The following HECW1 variants were observed in gnomAD, a reference collection of about 807,000 sequenced individuals.
The protein encoded by HECW1 is E3 ubiquitin-protein ligase HECW1.
HECW1 carries 61 observed loss-of-function variants against 182.3 expected under a neutral mutation model. The ratio of observed to expected loss-of-function variants is 0.33; its 90% CI spans 0.27 to 0.41. HECW1 has a LOEUF of 0.41. Ranked by LOEUF, HECW1 falls within the 10% of genes least tolerant of loss-of-function variation. The pLI, the probability that HECW1 is intolerant of heterozygous loss-of-function variation, is 1.00. For synonymous variants in HECW1, 859 were observed against 832.6 expected, an observed-to-expected ratio of 1.03 and a Z score of -0.55; for missense variants, 1,739 against 2,108.9, an observed-to-expected ratio of 0.82 and a Z score of 3.44.
chr7:43,289,434 G>T (rs1805097865), intron 3 of HECW1, among the ~76,000 whole-genome samples: 1 of 152,174 alleles, frequency 6.6e-6, no homozygotes, highest in Non-Finnish European at 1.5e-5. Context: ...GTCCCTACAT[G>T]CAGTGGCAGC....
intron 17 of HECW1, among the ~76,000 whole-genome samples, chr7:43,488,498 GAAAGA>G (rs1197732969): frequency 1.3e-5 from 2 of 150,318 alleles, no homozygotes; most frequent in African/African-American, 2.4e-5. Flanking sequence ...GAGAAAGAAA[GAAAGA>G]AAAGAAAAGA....
At chr7:43,152,663 A>G (rs774736551) in intron 2 of HECW1, among the ~76,000 whole-genome samples, 3 of 151,972 alleles carry the variant, frequency 2.0e-5, no homozygotes, top group Non-Finnish European at 4.4e-5. Flanking sequence ...TTTGGTCTCT[A>G]TATTTCCTGT....
chr7:43,278,161 A>AACTGGGATGTCTT (rs1026547037), intron 3 of HECW1, among the ~76,000 whole-genome samples: 1 of 152,078 alleles, frequency 6.6e-6, no homozygotes, highest in Non-Finnish European at 1.5e-5. Context: ...TGAGGTCTTC[A>AACTGGGATGTCTT]ACTGGGATGT....
intron 26 of HECW1, among the ~76,000 whole-genome samples, chr7:43,547,822 G>A (rs1367024893): frequency 6.6e-6 from 1 of 152,154 alleles, no homozygotes; most frequent in Non-Finnish European, 1.5e-5. Context: ...CATCATTAGT[G>A]GCCCTTCGTG....
intron 3 of HECW1, among the ~76,000 whole-genome samples, chr7:43,309,369 A>G (rs1262170076): frequency 2.0e-5 from 3 of 152,182 alleles, no homozygotes; most frequent in Admixed American, 6.5e-5. Flanking sequence ...CATCGTTCCA[A>G]TCCAGTAATC....
chr7:43,243,778 C>A lies in HECW1; in HGVS notation c.-31-97C>A. 2.1e-6 allele frequency: 2 copies of A among 943,756 alleles called. No individual in the cohort carries two copies. Among genetic ancestry groups the A allele is most frequent in the Non-Finnish European group, 3.5e-6 (2 of 574,922 alleles). 58.5% of individuals were successfully genotyped at this position (943,756 alleles called of 1,614,324 possible). A position where few individuals can be genotyped will look rare whatever the true frequency, so the allele number is the denominator to read the frequency against. Reference sequence around the variant, plus strand: ...CGGTTGCCCAGGCCAGGTATCTTGGCGGGGGTGGGGGAAACAATGTTGTTT... The same window carrying A: ...CGGTTGCCCAGGCCAGGTATCTTGGAGGGGGTGGGGGAAACAATGTTGTTT... On this transcript the variant is annotated intron_variant, in intron 2 of 29. Coordinates refer to ENST00000395891, the MANE Select transcript of HECW1 (RefSeq NM_015052.5). This position sits in a 1 kb window ranked among gnomAD's most constrained non-coding sequence, Gnocchi z 4.0.
At chr7:43,382,046 G>A (rs540369918) in intron 6 of HECW1, among the ~76,000 whole-genome samples, 20 of 152,142 alleles carry the variant, frequency 1.3e-4, no homozygotes, top group Admixed American at 3.9e-4. Context: ...AGCACTTTGG[G>A]AGGCCAAGGC....
Position 43,563,875 on chromosome 7 carries a change from A to T in HECW1, c.*1949A>T, listed in dbSNP as rs565887513. Reference sequence around the variant, plus strand: ...TCAAGGGAGACACCATCTAAAAAAAAAATAAATAAAAATAAAAGCATTTTT... The same window carrying T: ...TCAAGGGAGACACCATCTAAAAAAATAATAAATAAAAATAAAAGCATTTTT... On this transcript the variant is annotated 3_prime_UTR_variant, in exon 30 of 30. Transcript: ENST00000395891. 1.1e-5 allele frequency: 2 copies of T among 181,612 alleles called. No individual in the cohort carries two copies. Among genetic ancestry groups the T allele is most frequent in the East Asian group, 1.8e-4 (2 of 11,068 alleles). 11.3% of individuals were successfully genotyped at this position (181,612 alleles called of 1,614,324 possible).
chr7:43,459,083 C>T (rs1428142977), intron 13 of HECW1, among the ~76,000 whole-genome samples: 1 of 152,110 alleles, frequency 6.6e-6, no homozygotes, highest in Non-Finnish European at 1.5e-5. Context: ...AGGAAAATGC[C>T]TCCCACCTGC....
intron 5 of HECW1, among the ~76,000 whole-genome samples, chr7:43,333,797 G>C (rs1409586436): frequency 1.3e-5 from 2 of 152,132 alleles, no homozygotes; most frequent in Non-Finnish European, 2.9e-5. Flanking sequence ...GATGGTCTCT[G>C]GGTCAGCCAC....
In HECW1 at chr7:43,407,697, T is replaced by A; in HGVS notation, c.767T>A (p.Ile256Lys). 6.2e-7 allele frequency: 1 copy of A among 1,613,890 alleles called. No homozygotes were observed. The highest frequency in any genetic ancestry group is 8.5e-7 in the Non-Finnish European group (1 of 1,179,920). Residue 256 changes from isoleucine (I) to lysine (K), a missense_variant, in exon 8 of 30, where the codon ATA becomes AAA. Ile to Lys is a moderately radical substitution (Grantham distance 102). Around this residue, in one of 5 missense-constraint regions of HECW1, gnomAD observed 279 missense variants for 353.1 expected, o/e 0.79. Transcript: ENST00000395891. ...HHGQERRSKI[I>K]GNTVNPIWQA... is the part of the protein sequence containing the mutation. ...GGACAGGAGAGGAGATCCAAGATCA[T>A]AGGCAACACCGTGAACCCCATCTGG...
At chr7:43,492,903 A>C (rs889160985) in intron 18 of HECW1, among the ~76,000 whole-genome samples, 181 bp from the exon 19 acceptor site, 2 of 152,232 alleles carry the variant, frequency 1.3e-5, no homozygotes, top group African/African-American at 4.8e-5. Context: ...CCCTTAAAAA[A>C]TTATAATGTT....
At chr7:43,327,382 A>G (rs1419523781) in intron 5 of HECW1, among the ~76,000 whole-genome samples, 10 of 152,240 alleles carry the variant, frequency 6.6e-5, no homozygotes, top group African/African-American at 2.4e-4. Context: ...ACTACGCTAA[A>G]TTGAAATCAT....
intron 8 of HECW1, among the ~76,000 whole-genome samples, chr7:43,409,559 C>A (rs1224000336): frequency 6.6e-6 from 1 of 152,176 alleles, no homozygotes; most frequent in Non-Finnish European, 1.5e-5. Context: ...GAAATGATTT[C>A]TGAAGCTTTG....
intron 17 of HECW1, among the ~76,000 whole-genome samples, chr7:43,486,567 C>T (rs56215750): frequency 0.018 from 2,719 of 152,302 alleles, 77 homozygotes; most frequent in African/African-American, 0.062. Flanking sequence ...TCCCAAAGTG[C>T]TGGGATTACA....
chr7:43,241,616 ATGTG>A (rs57645139), intron 2 of HECW1: 6,204 of 122,030 alleles, frequency 0.051, 132 homozygotes, highest in Admixed American at 0.077. Context: ...CTCCTAATGT[ATGTG>A]TGTGTGTGTG....
At chr7:43,457,982 T>C (rs1370139410) in intron 13 of HECW1, among the ~76,000 whole-genome samples, 2 of 152,180 alleles carry the variant, frequency 1.3e-5, no homozygotes, top group East Asian at 1.9e-4. Flanking sequence ...AAGACTTGCA[T>C]TGGCAGCACA....
At position 43,462,731 on chromosome 7, in the gene HECW1, A is replaced by G. The variant is rs1490145142; in HGVS notation, c.2652-929A>G. Among the ~76,000 whole-genome samples, 32 of 152,284 alleles carry G rather than the reference A, an allele frequency of 2.1e-4. No homozygotes were observed. In the East Asian group the frequency reaches 5.6e-3, roughly 27 times the overall value. On this transcript the variant is annotated intron_variant, in intron 13 of 29. Coordinates refer to ENST00000395891, the MANE Select transcript of HECW1 (RefSeq NM_015052.5). ...TCTCCTGGCCCTGCCAGGTGCCCACACATCCTGATGCCGCTGCCAGGCATC... is the reference window on the plus strand; with the variant it reads ...TCTCCTGGCCCTGCCAGGTGCCCACGCATCCTGATGCCGCTGCCAGGCATC...
intron 2 of HECW1, among the ~76,000 whole-genome samples, chr7:43,146,714 G>A (rs991399061): frequency 2.6e-5 from 4 of 152,180 alleles, no homozygotes; most frequent in Middle Eastern, 3.2e-3. Flanking sequence ...GATGTATGAT[G>A]GACAAGGCTT....
Sources: gnomAD v4.1 joint callset for allele counts (sites outside exome capture counted in the v4.1 genomes callset) on GRCh38, gnomAD v4.1.1 for gene constraint, gnomAD v4.1.1 regional missense constraint, Gnocchi (gnomAD v3.1) non-coding constraint, MANE v1.5 for transcripts, NCBI Gene and HGNC (gene_info 2026-07-23, HGNC 2026-07-21) for gene names.